The following PABPN1L variants were observed in gnomAD, a reference collection of about 807,000 sequenced individuals.
PABPN1L encodes the protein PABPN1 like, cytoplasmic, also known as embryonic polyadenylate-binding protein 2.
PABPN1L carries 45 observed loss-of-function variants against 34.0 expected under a neutral mutation model. The observed-to-expected ratio is 1.32, with a 90% CI of 1.04 to 1.70. The LOEUF is 1.70. Ranked by LOEUF, PABPN1L falls within the 40% of genes most tolerant of loss-of-function variation. The probability of loss-of-function intolerance (pLI) is 0.00; values close to 1 mark genes in which losing one functional copy is unlikely to be tolerated. For synonymous variants in PABPN1L, 182 were observed against 152.1 expected (o/e 1.20, Z -1.45); for missense variants, 459 against 367.8 (o/e 1.25, Z -2.03).
exon 7 of PABPN1L, chr16:88,863,534 C>T (rs925239856): frequency 1.5e-5 from 10 of 647,992 alleles, no homozygotes; most frequent in Non-Finnish European, 2.8e-5. Context: ...AGGCTCACCA[C>T]CGGGCCGTGG....
At chr16:88,865,658 G>T (rs761201985) in intron 2 of PABPN1L, 28 bp from the exon 3 acceptor site, 1 of 1,588,568 alleles carries the variant, frequency 6.3e-7, no homozygotes, top group Admixed American at 1.7e-5. Context: ...CAGGCCCGCA[G>T]GCCCTTGGTT....
exon 5 of PABPN1L, chr16:88,864,888 G>A: frequency 6.2e-7 from 1 of 1,609,104 alleles, no homozygotes; most frequent in Non-Finnish European, 8.5e-7. Context: ...CTCTGGTCCA[G>A]CTCCACGGCG....
exon 1 of PABPN1L, chr16:88,866,466 C>T: frequency 1.3e-6 from 2 of 1,551,520 alleles, no homozygotes; most frequent in South Asian, 1.2e-5. Context: ...TCTCCTCCTT[C>T]CCTTCCCCAC....
upstream of PABPN1L, chr16:88,866,644 TC>T (rs765090890): frequency 6.7e-6 from 10 of 1,490,572 alleles, no homozygotes; most frequent in African/African-American, 1.3e-4. Flanking sequence ...AGGCGAGGCC[TC>T]CCCTCCACTC....
chr16:88,864,998 G>A (rs552341537), intron 4 of PABPN1L, 24 bp downstream of exon 4: 1 of 1,598,818 alleles, frequency 6.3e-7, no homozygotes, highest in Non-Finnish European at 8.5e-7. Context: ...CATGGCCAGT[G>A]CCCCCACCAG....
intron 1 of PABPN1L, 34 bp downstream of exon 1, chr16:88,866,318 C>G: frequency 6.5e-7 from 1 of 1,536,444 alleles, no homozygotes; most frequent in Non-Finnish European, 8.8e-7. Context: ...CCCCAGGTCC[C>G]CTGAGATCCC....
chr16:88,867,197 C>T (rs1305519040), upstream of PABPN1L, among the ~76,000 whole-genome samples: 3 of 151,378 alleles, frequency 2.0e-5, no homozygotes, highest in Non-Finnish European at 2.9e-5. Flanking sequence ...GGGACCCTTG[C>T]CTCCCTAACC....
Position 88,864,955 on chromosome 16 carries a change from A to G in PABPN1L, c.567-15T>C, listed in dbSNP as rs71395335. 77 of 1,250,134 alleles carry G rather than the reference A, an allele frequency of 6.2e-5. No homozygotes were observed. Among genetic ancestry groups the G allele is most frequent in the Non-Finnish European group, 7.3e-5 (64 of 873,440 alleles). The allele number at this position is 1,250,134 out of a possible 1,614,324, so 77.4% of individuals were successfully genotyped here. ...TGTAGGCATAACTGAGGGGAGGGGC[A>G]GGGAGGGGAGGGGTGAGGCTGGGCC... On this transcript the variant is annotated splice_polypyrimidine_tract_variant and intron_variant, in intron 4 of 6. Coordinates refer to ENST00000419291, the Ensembl canonical transcript of PABPN1L.
upstream of PABPN1L, among the ~76,000 whole-genome samples, chr16:88,869,486 C>A (rs2143021499): frequency 6.6e-6 from 1 of 152,354 alleles, no homozygotes; most frequent in South Asian, 2.1e-4. Flanking sequence ...GTGTTGATGA[C>A]TTGGCCAGCT....
upstream of PABPN1L, among the ~76,000 whole-genome samples, chr16:88,867,327 G>A (rs1483233853): frequency 2.6e-5 from 4 of 151,708 alleles, no homozygotes; most frequent in East Asian, 1.9e-4. Context: ...TCCCAGGTTC[G>A]GGTGATTCTC....
exon 5 of PABPN1L, chr16:88,864,926 T>G: frequency 6.3e-7 from 1 of 1,593,906 alleles, no homozygotes; most frequent in Non-Finnish European, 8.6e-7. Context: ...GGTGGCAAAC[T>G]CTATGTAGGC....
Position 88,863,818 on chromosome 16 carries a change from C to G in PABPN1L, c.798-23G>C, listed in dbSNP as rs959264085. 5.9e-6 allele frequency: 9 copies of G among 1,533,816 alleles called. No homozygotes were observed. The African/African-American group carries it at 1.2e-4, about 21-fold the overall frequency. On this transcript the variant is annotated intron_variant, in intron 6 of 6. Transcript: ENST00000419291. Reference sequence around the variant, plus strand: ...GCCCTGCACGGAGAGAGAACACACACTGAGTGGCCTTCCAGAGGAGAAGGG... The same window carrying G: ...GCCCTGCACGGAGAGAGAACACACAGTGAGTGGCCTTCCAGAGGAGAAGGG...
upstream of PABPN1L, chr16:88,866,651 C>G: frequency 6.7e-7 from 1 of 1,492,960 alleles, no homozygotes; most frequent in East Asian, 2.5e-5. Flanking sequence ...GCCTCCCCTC[C>G]ACTCCCCTCG....
At chr16:88,866,606 T>C in exon 1 of PABPN1L, 1 of 1,541,296 alleles carries the variant, frequency 6.5e-7, no homozygotes, top group Non-Finnish European at 8.8e-7. Context: ...AAGGGCCACA[T>C]GGTAGAGGGG....
chr16:88,865,742 C>A, intron 2 of PABPN1L, 64 bp downstream of exon 2: 1 of 1,559,348 alleles, frequency 6.4e-7, no homozygotes, highest in Non-Finnish European at 8.7e-7. Flanking sequence ...CTGCCAGGCC[C>A]AACCTTAATG....
intron 3 of PABPN1L, 94 bp from the exon 4 acceptor site, chr16:88,865,222 G>T: frequency 7.4e-7 from 1 of 1,358,168 alleles, no homozygotes; most frequent in Non-Finnish European, 1.0e-6. Context: ...CCAAGGCTGG[G>T]CCCCGTGGCG....
chr16:88,863,858 C>T (rs1968509666), intron 6 of PABPN1L, 63 bp from the exon 7 acceptor site: 3 of 1,464,046 alleles, frequency 2.0e-6, no homozygotes, highest in African/African-American at 1.4e-5. Context: ...TGGCCCAGGG[C>T]CCCGGGGGAC....
At chr16:88,869,013 A>G (rs1336128547), upstream of PABPN1L, among the ~76,000 whole-genome samples, 2 of 152,218 alleles carry the variant, frequency 1.3e-5, no homozygotes, top group East Asian at 3.9e-4. Flanking sequence ...CTTGGGACCC[A>G]CAAGGAATTT....
chr16:88,869,257 C>T (rs1217000928), upstream of PABPN1L, among the ~76,000 whole-genome samples: 5 of 152,254 alleles, frequency 3.3e-5, no homozygotes, highest in Non-Finnish European at 7.3e-5. Flanking sequence ...GGGGCAGGCT[C>T]ATGAGGTCGG....
Sources: allele counts gnomAD v4.1 joint callset (sites outside exome capture counted in the v4.1 genomes callset), GRCh38; gene constraint gnomAD v4.1.1; transcripts MANE v1.5; gene names NCBI Gene and HGNC (gene_info 2026-07-23, HGNC 2026-07-21).